The following TMEM132D variants were observed in gnomAD, a reference collection of about 807,000 sequenced individuals.
TMEM132D encodes transmembrane protein 132D, also known as mature OL transmembrane protein.
TMEM132D carries 21 observed loss-of-function variants against 62.3 expected under a neutral mutation model. The observed-to-expected ratio is 0.34, with a 90% CI of 0.24 to 0.49. TMEM132D has a LOEUF of 0.49. Among genes scored for constraint, TMEM132D ranks in the 20% least tolerant of loss-of-function variants. The pLI is 0.99. For synonymous variants in TMEM132D, 621 were observed against 575.6 expected (o/e 1.08, Z -1.13); for missense variants, 1,346 against 1,402.8 (o/e 0.96, Z 0.65).
chr12:129,602,228 T>A (rs1878500356), intron 2 of TMEM132D, among the ~76,000 whole-genome samples: 1 of 152,152 alleles, frequency 6.6e-6, no homozygotes, highest in South Asian at 2.1e-4. Context: ...AAGTATTATA[T>A]CCACACTATA....
intron 1 of TMEM132D, among the ~76,000 whole-genome samples, chr12:129,750,974 A>G (rs1004019470): frequency 6.6e-6 from 1 of 152,232 alleles, no homozygotes; most frequent in Non-Finnish European, 1.5e-5. Context: ...TTAACAAAAA[A>G]GCCAAAAGTA....
chr12:129,211,811 C>T (rs1169045853), intron 4 of TMEM132D, among the ~76,000 whole-genome samples: 2 of 152,192 alleles, frequency 1.3e-5, no homozygotes, highest in African/African-American at 4.8e-5. Context: ...CCTGATTTTA[C>T]TTTAATTCGA....
intron 1 of TMEM132D, among the ~76,000 whole-genome samples, chr12:129,899,600 G>A (rs1427259706): frequency 1.3e-5 from 2 of 152,142 alleles, no homozygotes; most frequent in African/African-American, 2.4e-5. Flanking sequence ...AAAATTGATA[G>A]ATAAATTCTA....
chr12:129,699,951 T>C lies in TMEM132D; in HGVS notation c.827A>G (p.His276Arg). 3 of 1,614,122 alleles carry C rather than the reference T, an allele frequency of 1.9e-6. No individual in the cohort carries two copies. The highest frequency in any genetic ancestry group is 2.5e-6 in the Non-Finnish European group (3 of 1,180,026). ...RIGSIFLYQT[H>R]RKPSLRELRL... is the part of the protein sequence containing the mutation. ...CAGTTCTCTCAGGGAGGGTTTCCTG[T>C]GTGTCTGATAAAGGAAGATGCTCCC... The change falls in exon 2 of 9, where the codon CAC (histidine) becomes CGC (arginine). Residue 276 changes from histidine to arginine, a missense_variant. Physicochemically the swap from His to Arg is conservative, Grantham distance 29. Coordinates refer to ENST00000422113, the MANE Select transcript of TMEM132D (RefSeq NM_133448.3).
At chr12:129,551,235 G>A (rs753952802) in intron 2 of TMEM132D, among the ~76,000 whole-genome samples, 4 of 152,210 alleles carry the variant, frequency 2.6e-5, no homozygotes, top group Admixed American at 1.3e-4. Context: ...CCTGACCCAC[G>A]GAATCCAGGA....
At chr12:129,788,344 G>A (rs778054525) in intron 1 of TMEM132D, among the ~76,000 whole-genome samples, 4 of 152,184 alleles carry the variant, frequency 2.6e-5, no homozygotes, top group Admixed American at 6.5e-5. Context: ...TGTGAGGGTA[G>A]GGATTTTGTC....
intron 4 of TMEM132D, among the ~76,000 whole-genome samples, chr12:129,298,345 G>A (rs571034016): frequency 8.5e-5 from 13 of 152,118 alleles, no homozygotes; most frequent in African/African-American, 2.7e-4. Context: ...TCAACACATC[G>A]CAATTGTATA....
intron 5 of TMEM132D, among the ~76,000 whole-genome samples, chr12:129,129,270 C>A (rs1876301560): frequency 6.6e-6 from 1 of 152,106 alleles, no homozygotes; most frequent in Non-Finnish European, 1.5e-5. Context: ...TGATAGTTCA[C>A]TTAGGATAAT....
chr12:129,718,010 C>CT (rs1868655900), intron 1 of TMEM132D, among the ~76,000 whole-genome samples: 2 of 152,230 alleles, frequency 1.3e-5, no homozygotes, highest in South Asian at 4.1e-4. Context: ...TGTGTGTTAG[C>CT]TGCAGAGATT....
At chr12:129,879,150 A>G (rs1161218268) in intron 1 of TMEM132D, among the ~76,000 whole-genome samples, 1 of 152,220 alleles carries the variant, frequency 6.6e-6, no homozygotes, top group Non-Finnish European at 1.5e-5. Flanking sequence ...CACTGGGGAA[A>G]TAAATGTCAT....
chr12:129,572,823 T>G (rs1467104469), intron 2 of TMEM132D, among the ~76,000 whole-genome samples: 1 of 152,080 alleles, frequency 6.6e-6, no homozygotes, highest in Non-Finnish European at 1.5e-5. Context: ...CCTTAGATTC[T>G]TTTCCTTGGA....
intron 5 of TMEM132D, among the ~76,000 whole-genome samples, chr12:129,094,871 T>C (rs920165496): frequency 2.0e-5 from 3 of 152,184 alleles, no homozygotes; most frequent in African/African-American, 7.2e-5. Context: ...GATGAGTTCA[T>C]GTCCTTCGTA....
intron 1 of TMEM132D, among the ~76,000 whole-genome samples, chr12:129,894,393 C>A (rs2137396420): frequency 6.6e-6 from 1 of 152,294 alleles, no homozygotes; most frequent in South Asian, 2.1e-4. Context: ...GGAGGGGACT[C>A]AGCCAAGGGG....
rs530754775 is a variant in TMEM132D, at chr12:129,492,503, T to C, written c.1115+38556A>G. On this transcript the variant is annotated intron_variant, in intron 3 of 8. Coordinates refer to ENST00000422113, the MANE Select transcript of TMEM132D (RefSeq NM_133448.3). Reference sequence around the variant, plus strand: ...AATTGGTGCACAAAATATAACTACATGTAGCCCCCATTCTCTAAATCACAT... The same window carrying C: ...AATTGGTGCACAAAATATAACTACACGTAGCCCCCATTCTCTAAATCACAT... 4.6e-5 allele frequency among the ~76,000 whole-genome samples: 7 copies of C among 152,304 alleles called. No individual in the cohort carries two copies. In the South Asian group the frequency reaches 1.2e-3, roughly 27 times the overall value.
intron 2 of TMEM132D, among the ~76,000 whole-genome samples, chr12:129,617,878 G>C (rs998213893): frequency 1.3e-5 from 2 of 152,172 alleles, no homozygotes; most frequent in African/African-American, 2.4e-5. Context: ...ATACTAGGGG[G>C]ATGCATATAT....
At chr12:129,308,368 A>T (rs926236922) in intron 4 of TMEM132D, among the ~76,000 whole-genome samples, 1 of 152,210 alleles carries the variant, frequency 6.6e-6, no homozygotes, top group Admixed American at 6.5e-5. Context: ...GCATGGGTGA[A>T]TAAAGAAAAC....
chr12:129,296,800 G>C (rs1215165065), intron 4 of TMEM132D, among the ~76,000 whole-genome samples: 1 of 152,198 alleles, frequency 6.6e-6, no homozygotes, highest in Non-Finnish European at 1.5e-5. Context: ...ATTGGGGAAA[G>C]GAGGGGTGAG....
intron 1 of TMEM132D, among the ~76,000 whole-genome samples, chr12:129,716,368 G>A (rs1229729401): frequency 1.3e-5 from 2 of 152,190 alleles, no homozygotes; most frequent in African/African-American, 4.8e-5. Context: ...AACAGCCTGT[G>A]AAAAGGGCTT....
Position 129,903,392 on chromosome 12 carries a change from A to G in TMEM132D, c.-53T>C. On this transcript the variant is annotated 5_prime_UTR_variant, in exon 1 of 9. Coordinates refer to ENST00000422113, the MANE Select transcript of TMEM132D (RefSeq NM_133448.3). This position sits in a 1 kb window ranked among gnomAD's most constrained non-coding sequence, Gnocchi z 6.2. ...GCTCCCCGGCGCCGTCCAGGCGAACAAGAGACCGTCTCAGTCCCCTAGAGG... is the reference window on the plus strand; with the variant it reads ...GCTCCCCGGCGCCGTCCAGGCGAACGAGAGACCGTCTCAGTCCCCTAGAGG... 1 of 1,536,868 alleles carries G rather than the reference A, an allele frequency of 6.5e-7. No homozygotes were observed.
Sources: gnomAD v4.1 joint callset for allele counts (sites outside exome capture counted in the v4.1 genomes callset) on GRCh38, gnomAD v4.1.1 for gene constraint, Gnocchi (gnomAD v3.1) non-coding constraint, MANE v1.5 for transcripts, NCBI Gene and HGNC (gene_info 2026-07-23, HGNC 2026-07-21) for gene names.